The following SLC6A17 variants were observed in gnomAD, a reference collection of about 807,000 sequenced individuals.
SLC6A17 encodes the protein sodium-dependent neutral amino acid transporter SLC6A17.
Under a neutral mutation model 64.5 loss-of-function variants are expected in SLC6A17, and 21 were observed. That is an observed-to-expected ratio of 0.33 (90% CI 0.23 to 0.47). The LOEUF (loss-of-function observed/expected upper bound fraction) is 0.47, where lower values mean the gene tolerates loss of function less well. Among genes scored for constraint, SLC6A17 ranks in the 20% least tolerant of loss-of-function variants. SLC6A17 has a pLI of 1.00. For synonymous variants in SLC6A17, 372 were observed against 399.5 expected, an observed-to-expected ratio of 0.93 and a Z score of 0.82; for missense variants, 682 against 963.2, an observed-to-expected ratio of 0.71 and a Z score of 3.86.
chr1:110,155,612 A>G (rs1570975976), intron 1 of SLC6A17, among the ~76,000 whole-genome samples: 1 of 152,084 alleles, frequency 6.6e-6, no homozygotes, highest in Non-Finnish European at 1.5e-5. Context: ...CCCTGGGGTC[A>G]CCTCATTAGC....
At chr1:110,176,916 C>T (rs1047452322) in intron 6 of SLC6A17, among the ~76,000 whole-genome samples, 177 bp downstream of exon 6, 1 of 152,208 alleles carries the variant, frequency 6.6e-6, no homozygotes, top group African/African-American at 2.4e-5. Context: ...CTCCAGGTTC[C>T]AAGGAGAGGC....
At chr1:110,176,465 C>G (rs1458218466) in intron 5 of SLC6A17, among the ~76,000 whole-genome samples, 164 bp from the exon 6 acceptor site, 9 of 152,162 alleles carry the variant, frequency 5.9e-5, no homozygotes, top group Non-Finnish European at 8.8e-5. Flanking sequence ...TGCCTTGGCT[C>G]CATGCCAGAT....
At chr1:110,177,851 G>C (rs1656413011) in intron 6 of SLC6A17, 1 of 152,266 alleles carries the variant, frequency 6.6e-6, no homozygotes, top group Admixed American at 6.5e-5. Context: ...GATGTCTCAG[G>C]GGTAGTACTG....
In SLC6A17 at chr1:110,201,691, C is replaced by G. The variant is rs1166779833; in HGVS notation, c.*3247C>G. ...CAGGAGAACCCCCGCTCCGAGTCAG[C>G]CTGTGTGGGTCATGAGGCTGGGGCC... On this transcript the variant is annotated 3_prime_UTR_variant, in exon 12 of 12. Coordinates refer to ENST00000331565, the MANE Select transcript of SLC6A17 (RefSeq NM_001010898.4). 6.6e-6 allele frequency: 1 copy of G among 152,332 alleles called. No individual in the cohort carries two copies. The highest frequency in any genetic ancestry group is 1.5e-5 in the Non-Finnish European group (1 of 68,146). The allele number at this position is 152,332 out of a possible 1,614,324, so 9.4% of individuals were successfully genotyped here. A position where few individuals can be genotyped will look rare whatever the true frequency, so the allele number is the denominator to read the frequency against.
chr1:110,152,464 G>A (rs1375229977), intron 1 of SLC6A17, among the ~76,000 whole-genome samples: 3 of 152,310 alleles, frequency 2.0e-5, no homozygotes, highest in Non-Finnish European at 2.9e-5. Flanking sequence ...AGCAGGACTC[G>A]TGAGCAGGAA....
At chr1:110,194,462 G>A in intron 8 of SLC6A17, 117 bp from the exon 9 acceptor site, 8 of 1,092,118 alleles carry the variant, frequency 7.3e-6, no homozygotes, top group East Asian at 2.6e-5. Context: ...GTGGAGGTGG[G>A]AACCCCTGTG....
At chr1:110,174,733 C>T (rs1417606361) in intron 4 of SLC6A17, 46 bp from the exon 5 acceptor site, 1 of 1,597,088 alleles carries the variant, frequency 6.3e-7, no homozygotes, top group Non-Finnish European at 8.5e-7. Context: ...GAAGTGACCC[C>T]ATAGGCCCTG....
intron 6 of SLC6A17, among the ~76,000 whole-genome samples, chr1:110,179,959 A>G (rs548655115): frequency 6.6e-6 from 1 of 152,274 alleles, no homozygotes; most frequent in East Asian, 1.9e-4. Flanking sequence ...AAAAAATCAA[A>G]TCCAGGAGCC....
In SLC6A17 at chr1:110,187,762, C is replaced by G. The variant is rs200478507; in HGVS notation, c.865-4210C>G. Among the ~76,000 whole-genome samples, 5 of 152,204 alleles carry G rather than the reference C, an allele frequency of 3.3e-5. No homozygotes were observed. The East Asian group carries it at 9.6e-4, about 29-fold the overall frequency. On this transcript the variant is annotated intron_variant, in intron 6 of 11. Coordinates refer to ENST00000331565, the MANE Select transcript of SLC6A17 (RefSeq NM_001010898.4). Reference sequence around the variant, plus strand: ...CAGAGGAGGCCAGCCAGCATGCCTTCCAGGCATAAGTCACCCTTATGCCCA... The same window carrying G: ...CAGAGGAGGCCAGCCAGCATGCCTTGCAGGCATAAGTCACCCTTATGCCCA...
intron 6 of SLC6A17, among the ~76,000 whole-genome samples, chr1:110,189,193 G>T (rs933053625): frequency 6.6e-6 from 1 of 152,198 alleles, no homozygotes; most frequent in African/African-American, 2.4e-5. Context: ...AGGCTCATCT[G>T]TCCAGCGGAC....
intron 6 of SLC6A17, 112 bp from the exon 7 acceptor site, chr1:110,191,860 T>C (rs1656833104): frequency 6.0e-6 from 9 of 1,506,878 alleles, no homozygotes; most frequent in Non-Finnish European, 7.1e-6. Flanking sequence ...TTCTTACCAC[T>C]ATGGGCTGCT....
chr1:110,187,461 G>A (rs1449982429), intron 6 of SLC6A17, among the ~76,000 whole-genome samples: 1 of 152,232 alleles, frequency 6.6e-6, no homozygotes, highest in Non-Finnish European at 1.5e-5. Context: ...TGGCACAAGG[G>A]TAGGCTACAG....
chr1:110,180,739 C>G (rs1349141964), intron 6 of SLC6A17, among the ~76,000 whole-genome samples: 2 of 152,140 alleles, frequency 1.3e-5, no homozygotes, highest in African/African-American at 4.8e-5. Flanking sequence ...GGTCACTGCC[C>G]TAGCTGCCCG....
In SLC6A17 at chr1:110,193,511, T is replaced by G. The variant is rs146052789; in HGVS notation, c.1299+813T>G. 2.5e-3 allele frequency among the ~76,000 whole-genome samples: 388 copies of G among 152,362 alleles called. 6 individuals are homozygous for G. Among genetic ancestry groups the G allele is most frequent in the African/African-American group, 8.8e-3 (368 of 41,588 alleles). On this transcript the variant is annotated intron_variant, in intron 8 of 11. Transcript: ENST00000331565. ...AACCAGGCTGGAGCCAAGGCTCACA[T>G]GGGGCGGAGCCAGCTCCCATCAGCC...
intron 9 of SLC6A17, 61 bp from the exon 10 acceptor site, chr1:110,195,525 C>A (rs894631790): frequency 3.8e-6 from 6 of 1,591,776 alleles, no homozygotes; most frequent in Non-Finnish European, 5.1e-6. Flanking sequence ...GCCCCCGAGA[C>A]CCCCAGGGCC....
chr1:110,182,869 T>C (rs1210044793), intron 6 of SLC6A17, among the ~76,000 whole-genome samples: 1 of 151,910 alleles, frequency 6.6e-6, no homozygotes, highest in Non-Finnish European at 1.5e-5. Context: ...GAGCGAGGAA[T>C]TGGAGACAAG....
chr1:110,156,451 C>A (rs1383868105), intron 1 of SLC6A17, among the ~76,000 whole-genome samples: 1 of 152,132 alleles, frequency 6.6e-6, no homozygotes, highest in East Asian at 1.9e-4. Flanking sequence ...CCGTGTACCC[C>A]AGTGTGCCAT....
rs1657071383 is a variant in SLC6A17, at chr1:110,199,796, G to A, written c.*1352G>A. 1 of 396,028 alleles carries A rather than the reference G, an allele frequency of 2.5e-6. No individual in the cohort carries two copies. The highest frequency in any genetic ancestry group is 2.1e-5 in the African/African-American group (1 of 48,542). 24.5% of individuals were successfully genotyped at this position (396,028 alleles called of 1,614,324 possible). A position where few individuals can be genotyped will look rare whatever the true frequency, so the allele number is the denominator to read the frequency against. On this transcript the variant is annotated 3_prime_UTR_variant, in exon 12 of 12. Transcript: ENST00000331565. Reference sequence around the variant, plus strand: ...CTGGAAGAGAACCCATTCTCAGAGTGCAGCCAGGGAGGAACCTGACCCAAG... The same window carrying A: ...CTGGAAGAGAACCCATTCTCAGAGTACAGCCAGGGAGGAACCTGACCCAAG...
chr1:110,197,324 G>C (rs1283522363), intron 10 of SLC6A17, 113 bp from the exon 11 acceptor site: 1 of 1,371,258 alleles, frequency 7.3e-7, no homozygotes, highest in Non-Finnish European at 1.0e-6. Flanking sequence ...GAATAGAAGA[G>C]CCCAGGAGGG....
Sources: gnomAD v4.1 joint callset for allele counts (sites outside exome capture counted in the v4.1 genomes callset) on GRCh38, gnomAD v4.1.1 for gene constraint, MANE v1.5 for transcripts, NCBI Gene and HGNC (gene_info 2026-07-23, HGNC 2026-07-21) for gene names.